Variants in FTCDNL1 observed in about 807,000 individuals in gnomAD.
FTCDNL1 encodes the protein formiminotransferase cyclodeaminase N-terminal like, also known as formiminotransferase N-terminal subdomain-containing protein.
Under a neutral mutation model 5.9 loss-of-function variants are expected in FTCDNL1, and 11 were observed. The ratio of observed to expected loss-of-function variants is 1.87; its 90% CI spans 1.18 to 3.10. The LOEUF is 3.10. FTCDNL1 is among the 30% of genes most tolerant of loss of function. The pLI, the probability that FTCDNL1 is intolerant of heterozygous loss-of-function variation, is 0.00. For synonymous variants in FTCDNL1, 58 were observed against 24.8 expected (o/e 2.34, Z -3.99); for missense variants, 115 against 65.5 (o/e 1.76, Z -2.61).
the FTCDNL1 span, among the ~76,000 whole-genome samples, chr2:199,691,619 T>C: frequency 6.6e-6 from 1 of 152,232 alleles, no homozygotes; most frequent in Non-Finnish European, 1.5e-5. Context: ...TTTGCTCCCT[T>C]TCCCAGAATT....
intron 3 of FTCDNL1, among the ~76,000 whole-genome samples, chr2:199,769,535 C>T (rs1277325427): frequency 6.6e-6 from 1 of 152,196 alleles, no homozygotes; most frequent in African/African-American, 2.4e-5. Flanking sequence ...TGATAAATTA[C>T]TCAGTCTCAA....
At chr2:199,670,912 A>G in the FTCDNL1 span, among the ~76,000 whole-genome samples, 21 of 152,172 alleles carry the variant, frequency 1.4e-4, no homozygotes, top group Admixed American at 2.0e-4. Flanking sequence ...ACATGACAGT[A>G]GCCTTGTGAA....
chr2:199,838,156 C>A (rs1253539094), intron 3 of FTCDNL1, among the ~76,000 whole-genome samples: 1 of 152,212 alleles, frequency 6.6e-6, no homozygotes, highest in Non-Finnish European at 1.5e-5. Context: ...GGAACACATA[C>A]AAGAAGCATC....
chr2:199,691,587 T>C, the FTCDNL1 span, among the ~76,000 whole-genome samples: 517 of 152,314 alleles, frequency 3.4e-3, 1 homozygote, highest in Non-Finnish European at 5.6e-3. Context: ...ATCACAAAAC[T>C]GGAAATAAAA....
chr2:199,840,900 C>A (rs13023099), intron 3 of FTCDNL1, among the ~76,000 whole-genome samples: 78,895 of 151,794 alleles, frequency 0.52, 20,764 homozygotes, highest in Middle Eastern at 0.58. Flanking sequence ...TGCCTGTAAT[C>A]CCAGCACTTT....
At chr2:199,768,099 T>C (rs1698621526) in intron 3 of FTCDNL1, among the ~76,000 whole-genome samples, 1 of 152,238 alleles carries the variant, frequency 6.6e-6, no homozygotes, top group Non-Finnish European at 1.5e-5. Flanking sequence ...TGTGCCTCAT[T>C]ATACATATTC....
At chr2:199,783,248 C>T (rs1699460433) in intron 3 of FTCDNL1, among the ~76,000 whole-genome samples, 1 of 152,164 alleles carries the variant, frequency 6.6e-6, no homozygotes, top group Admixed American at 6.5e-5. Context: ...TTCTCCAAGC[C>T]CACATAACAT....
At position 199,776,122 on chromosome 2, in the gene FTCDNL1, C is replaced by T. The variant is rs143355590; in HGVS notation, c.212-15287G>A. ...AGAGATGGGGTTTCACCTTGTTAGCCAGGATGGTCTCAATCTCCTGACCTC... is the reference window on the plus strand; with the variant it reads ...AGAGATGGGGTTTCACCTTGTTAGCTAGGATGGTCTCAATCTCCTGACCTC... On this transcript the variant is annotated intron_variant, in intron 3 of 3. Coordinates refer to the FTCDNL1 transcript ENST00000416668. Among the ~76,000 whole-genome samples, 567 of 152,220 alleles carry T rather than the reference C, an allele frequency of 3.7e-3. 5 individuals are homozygous for T. The highest frequency in any genetic ancestry group is 0.013 in the African/African-American group (547 of 41,536).
At chr2:199,808,895 C>T (rs1338532530), downstream of FTCDNL1, among the ~76,000 whole-genome samples, 2 of 152,164 alleles carry the variant, frequency 1.3e-5, no homozygotes, top group Non-Finnish European at 2.9e-5. Context: ...AAGGACTGAA[C>T]TCAAGCCCTC....
chr2:199,742,226 C>T, the FTCDNL1 span, among the ~76,000 whole-genome samples: 6 of 152,220 alleles, frequency 3.9e-5, no homozygotes, highest in East Asian at 1.2e-3. Context: ...TGAAGACTCC[C>T]CCACTACCCC....
chr2:199,801,725 C>T (rs1574552194), intron 3 of FTCDNL1, among the ~76,000 whole-genome samples: 1 of 151,746 alleles, frequency 6.6e-6, no homozygotes, highest in Non-Finnish European at 1.5e-5. Context: ...CTGAGGCAGG[C>T]GGATCACAAG....
At chr2:199,675,059 C>A in the FTCDNL1 span, among the ~76,000 whole-genome samples, 8 of 152,254 alleles carry the variant, frequency 5.3e-5, no homozygotes, top group East Asian at 1.4e-3. Flanking sequence ...TTATTCCAGA[C>A]CAAATTTGGA....
the FTCDNL1 span, among the ~76,000 whole-genome samples, chr2:199,709,790 A>C: frequency 6.6e-6 from 1 of 152,156 alleles, no homozygotes; most frequent in African/African-American, 2.4e-5. Flanking sequence ...CCTGGAGAAG[A>C]ATATAAGAAG....
the FTCDNL1 span, among the ~76,000 whole-genome samples, chr2:199,679,045 C>T: frequency 6.6e-6 from 1 of 152,108 alleles, no homozygotes; most frequent in Non-Finnish European, 1.5e-5. Flanking sequence ...GCCGCTAGCA[C>T]TTGTTTGAAT....
At chr2:199,831,325 T>C (rs907904125) in intron 3 of FTCDNL1, among the ~76,000 whole-genome samples, 2 of 152,206 alleles carry the variant, frequency 1.3e-5, no homozygotes, top group Non-Finnish European at 1.5e-5. Context: ...TTCCTTTGTA[T>C]TTGCTCTAGG....
intron 3 of FTCDNL1, among the ~76,000 whole-genome samples, chr2:199,799,280 GA>G (rs1700324521): frequency 6.6e-6 from 1 of 151,584 alleles, no homozygotes; most frequent in Non-Finnish European, 1.5e-5. Flanking sequence ...AAATAAACTG[GA>G]AAAGAAAAAA....
chr2:199,801,376 G>A lies in FTCDNL1; in HGVS notation c.212-40541C>T, dbSNP rs567395337. On this transcript the variant is annotated intron_variant, in intron 3 of 3. Coordinates refer to the FTCDNL1 transcript ENST00000416668. ...AAAATATGGGTCCCTGCTGGGGGTA[G>A]TGGCTCACGCCTCTAATCTCAGCAC... 3.6e-4 allele frequency among the ~76,000 whole-genome samples: 55 copies of A among 152,330 alleles called. 1 individual carries two copies. Among genetic ancestry groups the A allele is most frequent in the South Asian group, 1.0e-3 (5 of 4,828 alleles).
chr2:199,687,337 G>A, the FTCDNL1 span, among the ~76,000 whole-genome samples: 1 of 152,218 alleles, frequency 6.6e-6, no homozygotes, highest in East Asian at 1.9e-4. Context: ...TAAATGTTTA[G>A]ACATGAGAAC....
At chr2:199,783,260 G>A (rs904113418) in intron 3 of FTCDNL1, among the ~76,000 whole-genome samples, 1 of 152,184 alleles carries the variant, frequency 6.6e-6, no homozygotes, top group East Asian at 1.9e-4. Context: ...ACATAACATA[G>A]TTGGCTGGTG....
Sources: allele counts gnomAD v4.1 joint callset (sites outside exome capture counted in the v4.1 genomes callset), GRCh38; gene constraint gnomAD v4.1.1; transcripts MANE v1.5; gene names NCBI Gene and HGNC (gene_info 2026-07-23, HGNC 2026-07-21).